Variants in LRRC4C observed in about 807,000 individuals in gnomAD.
LRRC4C encodes leucine-rich repeat-containing protein 4C.
Under a neutral mutation model 33.6 loss-of-function variants are expected in LRRC4C, and 5 were observed. That is an observed-to-expected ratio of 0.15 (90% CI 0.08 to 0.31). The LOEUF is 0.31. Ranked by LOEUF, LRRC4C falls within the 10% of genes least tolerant of loss-of-function variation. LRRC4C has a pLI of 1.00. For missense variants in LRRC4C, 560 were observed against 796.7 expected, an observed-to-expected ratio of 0.70 and a Z score of 3.58; for synonymous variants, 329 against 302.0, an observed-to-expected ratio of 1.09 and a Z score of -0.93.
chr11:41,416,697 G>C (rs2138275465), intron 1 of LRRC4C, among the ~76,000 whole-genome samples: 1 of 152,124 alleles, frequency 6.6e-6, no homozygotes, highest in Admixed American at 6.6e-5. Context: ...CTTTACTAAA[G>C]TGAATACATA....
intron 3 of LRRC4C, among the ~76,000 whole-genome samples, chr11:40,613,030 G>A (rs1961393104): frequency 6.6e-6 from 1 of 151,892 alleles, no homozygotes; most frequent in African/African-American, 2.4e-5. Flanking sequence ...TGAGTCTCCA[G>A]CAATTGTAAT....
At chr11:40,661,521 T>C (rs923481659) in intron 2 of LRRC4C, among the ~76,000 whole-genome samples, 1 of 152,208 alleles carries the variant, frequency 6.6e-6, no homozygotes, top group African/African-American at 2.4e-5. Flanking sequence ...CAAGTCATAC[T>C]CAGTTTAACT....
At chr11:41,077,485 C>G (rs757241398) in intron 1 of LRRC4C, among the ~76,000 whole-genome samples, 1 of 152,182 alleles carries the variant, frequency 6.6e-6, no homozygotes, top group Non-Finnish European at 1.5e-5. Flanking sequence ...GGGGCTTGTA[C>G]CCCCTGGAGC....
chr11:40,743,457 C>T (rs1242387290), intron 2 of LRRC4C, among the ~76,000 whole-genome samples: 2 of 152,048 alleles, frequency 1.3e-5, no homozygotes, highest in Non-Finnish European at 2.9e-5. Context: ...GAGATGCATT[C>T]ACTTCTGAAA....
At chr11:41,329,243 A>G (rs905480497) in intron 1 of LRRC4C, among the ~76,000 whole-genome samples, 2 of 152,160 alleles carry the variant, frequency 1.3e-5, no homozygotes, top group African/African-American at 4.8e-5. Flanking sequence ...TAACAGCTGT[A>G]CTTCTTGGCA....
chr11:40,588,003 G>A (rs1958842748), intron 3 of LRRC4C, among the ~76,000 whole-genome samples: 1 of 151,966 alleles, frequency 6.6e-6, no homozygotes, highest in South Asian at 2.1e-4. Context: ...AATGAGTTAG[G>A]GAGGATTCCT....
At chr11:40,811,241 C>T (rs373369935) in intron 2 of LRRC4C, among the ~76,000 whole-genome samples, 98 of 152,244 alleles carry the variant, frequency 6.4e-4, no homozygotes, top group African/African-American at 2.3e-3. Flanking sequence ...TCCAACTCCA[C>T]TATCTAAAGT....
At chr11:40,300,791 T>G (rs1590241494) in intron 4 of LRRC4C, among the ~76,000 whole-genome samples, 1 of 152,244 alleles carries the variant, frequency 6.6e-6, no homozygotes, top group African/African-American at 2.4e-5. Context: ...GTTTGCTTTT[T>G]GAAATTCTGT....
At chr11:41,347,437 T>A (rs1405588911) in intron 1 of LRRC4C, among the ~76,000 whole-genome samples, 1 of 152,174 alleles carries the variant, frequency 6.6e-6, no homozygotes, top group Non-Finnish European at 1.5e-5. Context: ...CCTGACTCTC[T>A]AGGGTACAAA....
rs7934544 is a variant in LRRC4C at position 41,328,189 on chromosome 11, G to T, written c.-496+131242C>A. ...CTGTGGGCTAACTTCCCCTTTTCTT[G>T]TTATCCCTCCAAGTATTACAATCTC... On this transcript the variant is annotated intron_variant, in intron 1 of 6. Coordinates refer to ENST00000528697, the MANE Select transcript of LRRC4C (RefSeq NM_001258419.2). Among the ~76,000 whole-genome samples the T allele has an allele frequency of 9.5e-3, 1,446 of 152,086 alleles. 22 individuals are homozygous for T. The highest frequency in any genetic ancestry group is 0.033 in the African/African-American group (1,375 of 41,490).
intron 3 of LRRC4C, among the ~76,000 whole-genome samples, chr11:40,502,097 C>T (rs1954803412): frequency 6.6e-6 from 1 of 152,156 alleles, no homozygotes; most frequent in African/African-American, 2.4e-5. Context: ...TAACAAGAGT[C>T]ACCTTTGCTC....
At chr11:40,994,053 C>T (rs1853784302) in intron 1 of LRRC4C, among the ~76,000 whole-genome samples, 1 of 144,676 alleles carries the variant, frequency 6.9e-6, no homozygotes, top group East Asian at 2.0e-4. Flanking sequence ...TTGGAATGTA[C>T]TTTTTTTTTT....
intron 2 of LRRC4C, among the ~76,000 whole-genome samples, chr11:40,653,004 C>A (rs1029945534): frequency 6.6e-6 from 1 of 152,140 alleles, no homozygotes; most frequent in African/African-American, 2.4e-5. Flanking sequence ...CTCTCTCCAG[C>A]CACCCTGTGA....
At chr11:40,526,837 T>C (rs987338760) in intron 3 of LRRC4C, among the ~76,000 whole-genome samples, 2 of 152,144 alleles carry the variant, frequency 1.3e-5, no homozygotes, top group Non-Finnish European at 2.9e-5. Context: ...ATTCATATAA[T>C]GAATACAGTA....
intron 2 of LRRC4C, among the ~76,000 whole-genome samples, chr11:40,756,844 C>A (rs1248779915): frequency 1.3e-5 from 2 of 151,900 alleles, no homozygotes; most frequent in African/African-American, 4.8e-5. Flanking sequence ...ACAGTTCAAG[C>A]TAGAGGACAG....
chr11:41,427,625 G>C (rs1955085562), intron 1 of LRRC4C, among the ~76,000 whole-genome samples: 1 of 152,134 alleles, frequency 6.6e-6, no homozygotes, highest in Non-Finnish European at 1.5e-5. Context: ...TTTAGAAACA[G>C]TAGGAAGCCA....
chr11:40,308,319 A>G (rs777197781), intron 4 of LRRC4C, among the ~76,000 whole-genome samples: 34 of 152,212 alleles, frequency 2.2e-4, no homozygotes, highest in Admixed American at 1.3e-4. Context: ...AGAGAAACTG[A>G]TCTTCAATTT....
At chr11:40,154,373 A>G (rs1262602753) in intron 5 of LRRC4C, among the ~76,000 whole-genome samples, 1 of 152,056 alleles carries the variant, frequency 6.6e-6, no homozygotes, top group Non-Finnish European at 1.5e-5. Context: ...CAATACTAAC[A>G]TTAAATGTAA....
rs1240998043 is a variant in LRRC4C at position 40,277,853 on chromosome 11, G to A, written c.-175-36255C>T. On this transcript the variant is annotated intron_variant, in intron 4 of 6. Transcript: ENST00000528697. ...AATGTTACCTATCGCTGATTTTTTT[G>A]TATTGTGGTTATTATTGCAGTTGTC... Among the ~76,000 whole-genome samples the A allele has an allele frequency of 3.9e-5, 6 of 152,080 alleles. No individual in the cohort carries two copies. The East Asian group carries it at 1.2e-3, about 29-fold the overall frequency.
Sources: allele counts gnomAD v4.1 joint callset (sites outside exome capture counted in the v4.1 genomes callset), GRCh38; gene constraint gnomAD v4.1.1; transcripts MANE v1.5; gene names NCBI Gene and HGNC (gene_info 2026-07-23, HGNC 2026-07-21).